Variants in TRAPPC9 observed in about 807,000 individuals in gnomAD.
TRAPPC9 encodes the protein IKK2 binding protein.
TRAPPC9 carries 83 observed loss-of-function variants against 124.0 expected under a neutral mutation model. That is an observed-to-expected ratio of 0.67 (90% CI 0.56 to 0.80). TRAPPC9 has a LOEUF of 0.80. Among genes scored for constraint, TRAPPC9 ranks in the 30% least tolerant of loss-of-function variants. The probability of loss-of-function intolerance (pLI) is 0.00; values close to 1 mark genes in which losing one functional copy is unlikely to be tolerated. For missense variants in TRAPPC9, 1,302 were observed against 1,508.3 expected (o/e 0.86, Z 2.27); for synonymous variants, 638 against 617.5 (o/e 1.03, Z -0.49).
At chr8:140,167,361 T>C (rs759451653) in intron 17 of TRAPPC9, among the ~76,000 whole-genome samples, 2 of 151,972 alleles carry the variant, frequency 1.3e-5, no homozygotes, top group African/African-American at 4.8e-5. Flanking sequence ...AGGACTGAGA[T>C]AGGAAGGGGA....
intron 17 of TRAPPC9, chr8:140,096,009 G>A (rs1427269725): frequency 6.6e-6 from 1 of 152,202 alleles, no homozygotes; most frequent in African/African-American, 2.4e-5. Context: ...GGTACTACCT[G>A]CTTGGCTCTG....
chr8:139,932,879 T>C (rs1289650556), intron 19 of TRAPPC9: 1 of 242,452 alleles, frequency 4.1e-6, no homozygotes, highest in Non-Finnish European at 8.1e-6. Flanking sequence ...CATTTAGGAA[T>C]AGTCTGTTAC....
chr8:140,005,106 C>A (rs761743099), intron 18 of TRAPPC9, among the ~76,000 whole-genome samples: 3 of 152,226 alleles, frequency 2.0e-5, no homozygotes, highest in Non-Finnish European at 2.9e-5. Context: ...GATGTAACCT[C>A]ACGCTTACCT....
At chr8:140,121,246 A>G (rs191491692) in intron 17 of TRAPPC9, among the ~76,000 whole-genome samples, 1 of 152,370 alleles carries the variant, frequency 6.6e-6, no homozygotes, top group East Asian at 1.9e-4. Context: ...GAGAGAACAC[A>G]GTGGGTGCAA....
intron 17 of TRAPPC9, among the ~76,000 whole-genome samples, chr8:140,082,883 G>A (rs139038825): frequency 4.1e-4 from 63 of 152,192 alleles, no homozygotes; most frequent in Non-Finnish European, 7.4e-4. Context: ...TTTGACAGCA[G>A]GTAACAAAGG....
intron 20 of TRAPPC9, among the ~76,000 whole-genome samples, chr8:139,898,049 A>G (rs1180342206): frequency 1.3e-5 from 2 of 152,272 alleles, no homozygotes; most frequent in African/African-American, 2.4e-5. Context: ...GCTTAGGCCA[A>G]TAACGGTGTC....
At chr8:140,376,854 C>T (rs963968482) in intron 7 of TRAPPC9, among the ~76,000 whole-genome samples, 3 of 127,004 alleles carry the variant, frequency 2.4e-5, no homozygotes, top group African/African-American at 9.4e-5. Context: ...TTCAGCACAA[C>T]AAGAGCGAGG....
intron 17 of TRAPPC9, among the ~76,000 whole-genome samples, chr8:140,163,796 T>C (rs1280173859): frequency 6.6e-6 from 1 of 152,012 alleles, no homozygotes; most frequent in African/African-American, 2.4e-5. Flanking sequence ...TCTCCAAACA[T>C]GGATAAGGTC....
chr8:140,284,002 G>A lies in TRAPPC9; in HGVS notation c.2001C>T (p.Phe667=), dbSNP rs946098801. Residue 667 remains phenylalanine (F), a synonymous_variant, in exon 14 of 23, where the codon TTC becomes TTT. Coordinates refer to ENST00000438773, the MANE Select transcript of TRAPPC9 (RefSeq NM_001160372.4). Reference sequence around the variant, plus strand: ...CCAGCAAACAGTCACTGAACACACCGAAGACCGTGGTATGGTAACCTGGAA... The same window carrying A: ...CCAGCAAACAGTCACTGAACACACCAAAGACCGTGGTATGGTAACCTGGAA... ...ITVNGYHTTV[F]GVFSDCLLDN... is the part of the protein sequence containing the mutation. 1.4e-5 allele frequency: 23 copies of A among 1,613,968 alleles called. No homozygotes were observed. Among genetic ancestry groups the A allele is most frequent in the African/African-American group, 4.0e-5 (3 of 74,898 alleles).
intron 21 of TRAPPC9, among the ~76,000 whole-genome samples, chr8:139,873,390 C>T (rs759772931): frequency 2.6e-5 from 4 of 152,152 alleles, no homozygotes; most frequent in Non-Finnish European, 5.9e-5. Context: ...GGACCCTTCC[C>T]AGCATCCTGG....
chr8:140,031,450 A>G (rs565836420), intron 17 of TRAPPC9, among the ~76,000 whole-genome samples: 9 of 152,356 alleles, frequency 5.9e-5, no homozygotes, highest in Middle Eastern at 3.4e-3. Flanking sequence ...TAGCCAACTT[A>G]AATGTATATG....
intron 21 of TRAPPC9, among the ~76,000 whole-genome samples, chr8:139,809,372 A>C (rs894476145): frequency 1.3e-5 from 2 of 151,950 alleles, no homozygotes; most frequent in Admixed American, 1.3e-4. Context: ...ACAGTGCTGG[A>C]GAGGGAGGAG....
chr8:139,876,288 G>C (rs1419547516), intron 21 of TRAPPC9, among the ~76,000 whole-genome samples: 2 of 152,206 alleles, frequency 1.3e-5, no homozygotes, highest in African/African-American at 4.8e-5. Context: ...AACGGAGCTG[G>C]CTCAGGGCAG....
intron 9 of TRAPPC9, among the ~76,000 whole-genome samples, chr8:140,319,536 C>T (rs1313008524): frequency 1.3e-5 from 2 of 151,824 alleles, no homozygotes; most frequent in East Asian, 1.9e-4. Context: ...AGTACAGTGG[C>T]GCGATCTGCA....
chr8:139,965,552 T>C (rs981920005), intron 19 of TRAPPC9, among the ~76,000 whole-genome samples: 1 of 152,224 alleles, frequency 6.6e-6, no homozygotes, highest in African/African-American at 2.4e-5. Flanking sequence ...AGTAGAAAAT[T>C]TATCAAGAAC....
chr8:140,046,468 C>G (rs1245719720), intron 17 of TRAPPC9, among the ~76,000 whole-genome samples: 1 of 152,234 alleles, frequency 6.6e-6, no homozygotes, highest in Non-Finnish European at 1.5e-5. Context: ...GCCTTCCTCC[C>G]TGTCTCCAGC....
intron 19 of TRAPPC9, among the ~76,000 whole-genome samples, chr8:139,935,829 C>T (rs1028557980): frequency 6.6e-6 from 1 of 152,204 alleles, no homozygotes; most frequent in African/African-American, 2.4e-5. Flanking sequence ...GAACAATCAC[C>T]TCATTTCATC....
chr8:140,013,629 G>C (rs761946387), intron 18 of TRAPPC9, among the ~76,000 whole-genome samples: 1 of 152,196 alleles, frequency 6.6e-6, no homozygotes, highest in African/African-American at 2.4e-5. Flanking sequence ...GATGTCCTTC[G>C]GGAGTGCTGG....
At chr8:139,843,562 T>A (rs772079732) in intron 21 of TRAPPC9, among the ~76,000 whole-genome samples, 1 of 152,238 alleles carries the variant, frequency 6.6e-6, no homozygotes, top group African/African-American at 2.4e-5. Flanking sequence ...AAGCTCATCC[T>A]GAATTATCCA....
Sources: allele counts gnomAD v4.1 joint callset (sites outside exome capture counted in the v4.1 genomes callset), GRCh38; gene constraint gnomAD v4.1.1; transcripts MANE v1.5; gene names NCBI Gene and HGNC (gene_info 2026-07-23, HGNC 2026-07-21).